Variants in RBPJ observed in about 807,000 individuals in gnomAD.
The protein encoded by RBPJ is recombining binding protein suppressor of hairless.
RBPJ carries 9 observed loss-of-function variants against 67.8 expected under a neutral mutation model. That is an observed-to-expected ratio of 0.13 (90% confidence interval 0.08 to 0.23). RBPJ has a LOEUF of 0.23. Among genes scored for constraint, RBPJ ranks in the 10% least tolerant of loss-of-function variants. The pLI, the probability that RBPJ is intolerant of heterozygous loss-of-function variation, is 1.00. For synonymous variants in RBPJ, 198 were observed against 203.3 expected (o/e 0.97, Z 0.22); for missense variants, 305 against 595.6 (o/e 0.51, Z 5.08).
chr4:26,218,812 G>T (rs1156979820), intron 1 of RBPJ, among the ~76,000 whole-genome samples: 1 of 152,148 alleles, frequency 6.6e-6, no homozygotes, highest in East Asian at 1.9e-4. Context: ...ATGTATGGGG[G>T]TGGGGCAGGG....
chr4:26,234,898 G>A (rs1193547080), intron 1 of RBPJ, among the ~76,000 whole-genome samples: 1 of 151,940 alleles, frequency 6.6e-6, no homozygotes, highest in African/African-American at 2.4e-5. Flanking sequence ...TCACCATGTT[G>A]GCCAGGCTGG....
intron 1 of RBPJ, among the ~76,000 whole-genome samples, chr4:26,268,742 G>A (rs1006689541): frequency 1.3e-5 from 2 of 151,968 alleles, no homozygotes; most frequent in African/African-American, 4.8e-5. Flanking sequence ...GCTGAGGGGG[G>A]AGGGGCAGCT....
chr4:26,361,721 A>G (rs1462781836), intron 1 of RBPJ, among the ~76,000 whole-genome samples: 3 of 152,224 alleles, frequency 2.0e-5, no homozygotes, highest in African/African-American at 4.8e-5. Context: ...TAGCTACATG[A>G]TGCCACACTT....
At chr4:26,335,103 A>G (rs987589097) in intron 1 of RBPJ, among the ~76,000 whole-genome samples, 5 of 152,210 alleles carry the variant, frequency 3.3e-5, no homozygotes, top group African/African-American at 1.2e-4. Context: ...GCTGTTGTCC[A>G]TCTGGCTGCC....
intron 1 of RBPJ, among the ~76,000 whole-genome samples, chr4:26,327,136 C>G (rs1723711251): frequency 6.6e-6 from 1 of 152,132 alleles, no homozygotes; most frequent in African/African-American, 2.4e-5. Context: ...CCTGGCACAA[C>G]ATCATGGTGT....
At chr4:26,235,612 A>G (rs3857127) in intron 1 of RBPJ, among the ~76,000 whole-genome samples, 4,625 of 152,238 alleles carry the variant, frequency 0.03, 134 homozygotes, top group African/African-American at 0.076. Context: ...TTCCCTCCCA[A>G]TTGCAGTTAC....
rs144357931 is a variant in RBPJ, at chr4:26,181,290, C to T, written c.-167+17676C>T. ...CAGCACAAGTTCACCTCCAAAGAAG[C>T]ACAGTCTAAACAAAGGAAATTTAAA... On this transcript the variant is annotated intron_variant, in intron 1 of 4. Coordinates refer to the RBPJ transcript ENST00000512351. Among the ~76,000 whole-genome samples the T allele has an allele frequency of 7.7e-3, 1,167 of 152,312 alleles. 10 individuals are homozygous for T. Among genetic ancestry groups the T allele is most frequent in the Middle Eastern group, 0.017 (5 of 294 alleles).
chr4:26,352,843 G>C (rs80131004), intron 1 of RBPJ, among the ~76,000 whole-genome samples: 4 of 152,196 alleles, frequency 2.6e-5, no homozygotes, highest in Non-Finnish European at 5.9e-5. Context: ...TGTAAGTTCT[G>C]GGAGGACATT....
chr4:26,364,773 G>A (rs1378755890), intron 1 of RBPJ, among the ~76,000 whole-genome samples: 1 of 151,618 alleles, frequency 6.6e-6, no homozygotes, highest in Non-Finnish European at 1.5e-5. Context: ...TTACAGGCGC[G>A]AGCCACCATG....
At chr4:26,236,444 G>A (rs1719454677) in intron 1 of RBPJ, among the ~76,000 whole-genome samples, 1 of 152,198 alleles carries the variant, frequency 6.6e-6, no homozygotes, top group Non-Finnish European at 1.5e-5. Flanking sequence ...TGAAGTTGCA[G>A]TCAGATGTTA....
At chr4:26,107,490 T>C in the RBPJ span, among the ~76,000 whole-genome samples, 1 of 152,244 alleles carries the variant, frequency 6.6e-6, no homozygotes, top group African/African-American at 2.4e-5. Context: ...CACAGCAGAC[T>C]TCACGCAAGG....
At chr4:26,369,660 T>C (rs1336615630) in intron 1 of RBPJ, among the ~76,000 whole-genome samples, 2 of 152,216 alleles carry the variant, frequency 1.3e-5, no homozygotes, top group Non-Finnish European at 2.9e-5. Flanking sequence ...ACTAAAACAT[T>C]TCCATATTTG....
chr4:26,364,362 A>G (rs1468158503), intron 1 of RBPJ, among the ~76,000 whole-genome samples: 1 of 152,232 alleles, frequency 6.6e-6, no homozygotes, highest in Non-Finnish European at 1.5e-5. Context: ...TCAATCAGGA[A>G]TTTTATGTCT....
chr4:26,184,604 G>A (rs979849454), intron 1 of RBPJ, among the ~76,000 whole-genome samples: 1 of 152,136 alleles, frequency 6.6e-6, no homozygotes, highest in Non-Finnish European at 1.5e-5. Flanking sequence ...CTCAGGACCA[G>A]TCAAGCAGAG....
chr4:26,197,755 G>A lies in RBPJ; in HGVS notation c.-167+34141G>A, dbSNP rs542016089. Among the ~76,000 whole-genome samples, 16 of 152,152 alleles carry A rather than the reference G, an allele frequency of 1.1e-4. 1 individual carries two copies. The highest frequency in any genetic ancestry group is 2.1e-4 in the Non-Finnish European group (14 of 68,012). On this transcript the variant is annotated intron_variant, in intron 1 of 4. Transcript: ENST00000512351. ...CTGATGTGTATGGGCACCCCTGGCCGCTTGTCTTCTGACTGGTTTCTCTCC... is the reference window on the plus strand; with the variant it reads ...CTGATGTGTATGGGCACCCCTGGCCACTTGTCTTCTGACTGGTTTCTCTCC...
At chr4:26,130,257 G>A in the RBPJ span, among the ~76,000 whole-genome samples, 1 of 152,208 alleles carries the variant, frequency 6.6e-6, no homozygotes, top group South Asian at 2.1e-4. Context: ...AGTTAGGCCA[G>A]CACATAGTTC....
intron 1 of RBPJ, among the ~76,000 whole-genome samples, chr4:26,368,344 C>T (rs2109534602): frequency 6.6e-6 from 1 of 152,334 alleles, no homozygotes; most frequent in South Asian, 2.1e-4. Context: ...ACTCTTCCTA[C>T]TCTTTTCCAT....
rs548346624 is a variant in RBPJ, at chr4:26,178,975, G to A, written c.-167+15361G>A. 1.2e-4 allele frequency among the ~76,000 whole-genome samples: 19 copies of A among 152,240 alleles called. No homozygotes were observed. In the South Asian group the frequency reaches 1.9e-3, roughly 15 times the overall value. ...TTCCTGTCTTGTGGTTGGGCCTCAC[G>A]TGCGGCCTGCAGGGTGGAGAAGCAG... On this transcript the variant is annotated intron_variant, in intron 1 of 4. Transcript: ENST00000512351.
intron 1 of RBPJ, among the ~76,000 whole-genome samples, chr4:26,242,270 A>AC (rs1383360099): frequency 6.6e-6 from 1 of 151,980 alleles, no homozygotes; most frequent in Admixed American, 6.5e-5. Flanking sequence ...ACATGGTGAA[A>AC]CCCCATCTCT....
Sources: allele counts gnomAD v4.1 joint callset (sites outside exome capture counted in the v4.1 genomes callset), GRCh38; gene constraint gnomAD v4.1.1; transcripts MANE v1.5; gene names NCBI Gene and HGNC (gene_info 2026-07-23, HGNC 2026-07-21).